SPIN3: variants seen among roughly 807,000 people sequenced by gnomAD.
SPIN3 encodes the protein spindlin-3.
For synonymous variants in SPIN3, 74 were observed against 74.3 expected (o/e 1.00, Z 0.02); for missense variants, 176 against 196.4 (o/e 0.90, Z 0.62).
intron 1 of SPIN3, 108 bp from the exon 2 acceptor site, chrX:56,995,057 A>G: frequency 1.1e-6 from 1 of 911,756 alleles, no homozygotes; most frequent in Non-Finnish European, 1.5e-6. Context: ...GTAAACCCAC[A>G]CCTGTTTTTC....
chrX:56,985,236 A>C (rs1274103688), intron 2 of SPIN3, among the ~76,000 whole-genome samples: 1 of 112,030 alleles, frequency 8.9e-6, no homozygotes, highest in East Asian at 2.8e-4. Context: ...ATTTTTTTAG[A>C]AACATAAGTG....
rs1357164690 is a variant in SPIN3 at position 56,993,957 on chromosome X, T to C, written c.*214A>G. The C allele has an allele frequency of 1.3e-5, 5 of 381,815 alleles. No individual in the cohort carries two copies. The highest frequency in any genetic ancestry group is 2.2e-5 in the Non-Finnish European group (5 of 224,026). The allele number at this position is 381,815 out of a possible 1,213,427, so 31.5% of individuals were successfully genotyped here. On this transcript the variant is annotated 3_prime_UTR_variant, in exon 2 of 2. Transcript: ENST00000374919. The stretch of plus-strand genomic sequence containing the variant: ...TGTCAGACTTTACCCTTCTCACTAA[T>C]CAGTTAAATTGCGGAGAGGAACCAG...
chrX:56,988,416 G>C (rs915331279), downstream of SPIN3, among the ~76,000 whole-genome samples: 6 of 110,809 alleles, frequency 5.4e-5, no homozygotes, highest in African/African-American at 2.0e-4. Flanking sequence ...AATAAGATTG[G>C]AGCAAGAAAA....
chrX:56,987,068 T>G (rs748007573), downstream of SPIN3, among the ~76,000 whole-genome samples: 3 of 111,681 alleles, frequency 2.7e-5, no homozygotes, highest in African/African-American at 9.8e-5. Flanking sequence ...GAGGTGGAGG[T>G]TGCGGTGAGC....
chrX:56,988,599 G>A (rs993851488), downstream of SPIN3, among the ~76,000 whole-genome samples: 1 of 111,144 alleles, frequency 9.0e-6, no homozygotes, highest in African/African-American at 3.3e-5. Flanking sequence ...TATCAGGTAA[G>A]TATAGGAAAT....
At chrX:56,987,756 C>T (rs952770334), downstream of SPIN3, among the ~76,000 whole-genome samples, 1 of 111,831 alleles carries the variant, frequency 8.9e-6, no homozygotes, top group Non-Finnish European at 1.9e-5. Flanking sequence ...CAGTTCTTAG[C>T]AGAGATTAAA....
At chrX:56,979,911 G>T (rs1364748853) in intron 3 of SPIN3, 2 of 112,070 alleles carry the variant, frequency 1.8e-5, no homozygotes, top group Admixed American at 9.5e-5. Context: ...GGACAAGTTG[G>T]TCATTTATCC....
chrX:56,985,135 T>C (rs956029074), intron 2 of SPIN3, among the ~76,000 whole-genome samples: 1 of 112,221 alleles, frequency 8.9e-6, no homozygotes, highest in Non-Finnish European at 1.9e-5. Context: ...CTCTCAGATA[T>C]AATCTCACAC....
chrX:56,995,191 C>T, intron 1 of SPIN3, 25 bp downstream of exon 1: 1 of 345,647 alleles, frequency 2.9e-6, no homozygotes, highest in South Asian at 8.9e-5. Flanking sequence ...TTTCCCCATT[C>T]CCCTCGCCCT....
rs1924380925 is a variant in SPIN3, at chrX:56,992,858, C to T, written c.*1313G>A. On this transcript the variant is annotated 3_prime_UTR_variant, in exon 2 of 2. Coordinates refer to ENST00000374919, the MANE Select transcript of SPIN3 (RefSeq NM_001010862.3). ...GGCCCTTCCATTGTTTACTTTTCTG[C>T]CACAGTAGAACTCACCCTTATCTGC... The T allele has an allele frequency of 5.0e-6, 1 of 198,122 alleles. No individual in the cohort carries two copies. The highest frequency in any genetic ancestry group is 3.0e-4 in the South Asian group (1 of 3,310). The allele number at this position is 198,122 out of a possible 1,213,427, so 16.3% of individuals were successfully genotyped here.
rs1386689263 is a variant in SPIN3, at chrX:56,994,647, C to T, written c.301G>A (p.Asp101Asn). Residue 101 changes from aspartate to asparagine, a missense_variant, in exon 2 of 2, where the codon GAT (aspartate) becomes AAT (asparagine). Asp to Asn is a conservative substitution (Grantham distance 23, BLOSUM62 1). Transcript: ENST00000374919. ...DCVYGLELHR[D>N]ERVSSLEVLP... ...ACTTCAAGTGATGACACTCTTTCAT[C>T]TCTGTGAAGTTCCAATCCATAAACA... is the stretch of plus-strand genomic sequence containing the variant. 1 of 1,211,907 alleles carries T rather than the reference C, an allele frequency of 8.3e-7. No individual in the cohort carries two copies.
chrX:56,976,043 T>C (rs2042278024), downstream of SPIN3: 1 of 111,649 alleles, frequency 9.0e-6, no homozygotes, highest in African/African-American at 3.3e-5. Flanking sequence ...GGCTCCAGAA[T>C]GCGACGTTTG....
chrX:56,980,731 A>T (rs974208812), intron 3 of SPIN3, among the ~76,000 whole-genome samples: 2 of 109,767 alleles, frequency 1.8e-5, no homozygotes, highest in African/African-American at 3.3e-5. Flanking sequence ...CCTGTTTCAT[A>T]CTCTGTACAA....
downstream of SPIN3, among the ~76,000 whole-genome samples, chrX:56,985,951 C>G (rs1924213808): frequency 9.0e-6 from 1 of 111,529 alleles, no homozygotes; most frequent in Admixed American, 9.6e-5. Flanking sequence ...ATATTACCTT[C>G]TCCATGAAGT....
chrX:56,975,708 G>A (rs1253334075), downstream of SPIN3: 2 of 111,005 alleles, frequency 1.8e-5, no homozygotes, highest in Non-Finnish European at 3.8e-5. Flanking sequence ...CCTGGGGTAC[G>A]GCTGGCTGGT....
Position 56,992,554 on chromosome X carries a change from AGT to A in SPIN3, c.*1615_*1616del, listed in dbSNP as rs1272806407. On this transcript the variant is annotated 3_prime_UTR_variant, in exon 2 of 2. Transcript: ENST00000374919. ...CAGCAGGATGCCAATCTGTGCCGGT[AGT>A]CTGGACTCCATGACCTGTGAACTTA... is the stretch of plus-strand genomic sequence containing the variant. The A allele has an allele frequency of 3.4e-6, 1 of 295,501 alleles. No individual in the cohort carries two copies. The allele number at this position is 295,501 out of a possible 1,213,427, so 24.4% of individuals were successfully genotyped here. A position where few individuals can be genotyped will look rare whatever the true frequency, so the allele number is the denominator to read the frequency against.
At chrX:56,983,327 G>A (rs1185331267) in intron 3 of SPIN3, among the ~76,000 whole-genome samples, 1 of 111,687 alleles carries the variant, frequency 9.0e-6, no homozygotes, top group African/African-American at 3.3e-5. Flanking sequence ...TTTAGTGAAT[G>A]AGGGGAAAAA....
At chrX:56,985,318 T>A (rs1924201045) in intron 2 of SPIN3, among the ~76,000 whole-genome samples, 1 of 112,153 alleles carries the variant, frequency 8.9e-6, no homozygotes, top group Non-Finnish European at 1.9e-5. Context: ...TATGCTTCAG[T>A]GATGGACTTA....
chrX:56,987,722 A>G (rs1924250248), downstream of SPIN3, among the ~76,000 whole-genome samples: 1 of 112,019 alleles, frequency 8.9e-6, no homozygotes, highest in African/African-American at 3.2e-5. Context: ...ATAAAGATTA[A>G]CGAGCTCTCT....
Sources: gnomAD v4.1 joint callset for allele counts (sites outside exome capture counted in the v4.1 genomes callset) on GRCh38, gnomAD v4.1.1 for gene constraint, MANE v1.5 for transcripts, NCBI Gene and HGNC (gene_info 2026-07-23, HGNC 2026-07-21) for gene names.